The following MRPS9 variants were observed in gnomAD, a reference collection of about 807,000 sequenced individuals.
MRPS9 encodes the protein mitochondrial ribosomal protein S9.
Under a neutral mutation model 59.9 loss-of-function variants are expected in MRPS9, and 45 were observed. The ratio of observed to expected loss-of-function variants is 0.75; its 90% CI spans 0.59 to 0.96. The LOEUF is 0.96. MRPS9 is among the 40% of genes least tolerant of loss of function. The pLI, the probability that MRPS9 is intolerant of heterozygous loss-of-function variation, is 0.00. For missense variants in MRPS9, 473 were observed against 481.1 expected, an observed-to-expected ratio of 0.98 and a Z score of 0.16; for synonymous variants, 171 against 166.8, an observed-to-expected ratio of 1.03 and a Z score of -0.19.
At position 105,084,247 on chromosome 2, in the gene MRPS9, A is replaced by AATATAGATATATATATATATAT. The variant is rs754016660; in HGVS notation, c.489+4190_489+4191insGATATATATATATATATATATA. Reference sequence around the variant, plus strand: ...TGGCCACAGATGAAATATATACCAAAATATATATATATATATATATATGTA... The same window carrying AATATAGATATATATATATATAT: ...TGGCCACAGATGAAATATATACCAAAATATAGATATATATATATATATATATATATATATATATATATATGTA... On this transcript the variant is annotated intron_variant, in intron 5 of 10. Transcript: ENST00000258455. Among the ~76,000 whole-genome samples the AATATAGATATATATATATATAT allele has an allele frequency of 1.6e-4, 23 of 139,582 alleles. 1 individual carries two copies. Among genetic ancestry groups the AATATAGATATATATATATATAT allele is most frequent in the African/African-American group, 3.4e-4 (13 of 38,210 alleles). The allele number at this position is 139,582 out of a possible 152,430, so 91.6% of individuals were successfully genotyped here.
At chr2:105,059,974 A>C (rs1679864896) in intron 2 of MRPS9, among the ~76,000 whole-genome samples, 1 of 147,146 alleles carries the variant, frequency 6.8e-6, no homozygotes, top group African/African-American at 2.5e-5. Flanking sequence ...ATTATTTTTC[A>C]TGCTAATATA....
chr2:105,059,651 A>T (rs1304654306), intron 2 of MRPS9, among the ~76,000 whole-genome samples: 1 of 151,862 alleles, frequency 6.6e-6, no homozygotes, highest in Non-Finnish European at 1.5e-5. Flanking sequence ...TTTAGGAGTG[A>T]AAAGGTGTTT....
At chr2:105,078,837 G>A (rs1173826157) in intron 4 of MRPS9, among the ~76,000 whole-genome samples, 1 of 151,920 alleles carries the variant, frequency 6.6e-6, no homozygotes, top group Non-Finnish European at 1.5e-5. Flanking sequence ...ATTTGAACAT[G>A]AAAATAAAAT....
intron 2 of MRPS9, among the ~76,000 whole-genome samples, chr2:105,058,608 C>A (rs1009228468): frequency 6.6e-6 from 1 of 151,442 alleles, no homozygotes; most frequent in East Asian, 1.9e-4. Context: ...CTTTTTCTTT[C>A]TTTTCTCTCA....
chr2:105,042,208 G>A (rs368487542), intron 1 of MRPS9, among the ~76,000 whole-genome samples: 1 of 152,198 alleles, frequency 6.6e-6, no homozygotes, highest in Admixed American at 6.5e-5. Context: ...GGTATTGGCC[G>A]GGGCTGCAGT....
At chr2:105,070,672 A>G (rs1680095758) in intron 2 of MRPS9, among the ~76,000 whole-genome samples, 1 of 152,130 alleles carries the variant, frequency 6.6e-6, no homozygotes, top group Non-Finnish European at 1.5e-5. Flanking sequence ...GCATTTGGAA[A>G]GGTGTGGGGG....
At chr2:105,048,788 G>A (rs1207633057) in intron 1 of MRPS9, among the ~76,000 whole-genome samples, 1 of 151,942 alleles carries the variant, frequency 6.6e-6, no homozygotes, top group South Asian at 2.1e-4. Flanking sequence ...TCTGGTGCGT[G>A]TGTATTTGCC....
chr2:105,069,276 G>T lies in MRPS9; in HGVS notation c.316-2037G>T, dbSNP rs562756067. On this transcript the variant is annotated intron_variant, in intron 2 of 10. Coordinates refer to ENST00000258455, the MANE Select transcript of MRPS9 (RefSeq NM_182640.3). ...GTCACCCAGGCTGGCGTGCAATGGCGCGATCTCAGCTCACTGCAACCTCCG... is the reference window on the plus strand; with the variant it reads ...GTCACCCAGGCTGGCGTGCAATGGCTCGATCTCAGCTCACTGCAACCTCCG... 2.0e-5 allele frequency among the ~76,000 whole-genome samples: 3 copies of T among 148,510 alleles called. No homozygotes were observed. The East Asian group carries it at 6.0e-4, about 29-fold the overall frequency.
At chr2:105,098,987 A>G (rs1680731779) in intron 10 of MRPS9, among the ~76,000 whole-genome samples, 1 of 152,154 alleles carries the variant, frequency 6.6e-6, no homozygotes, top group Non-Finnish European at 1.5e-5. Context: ...TAGAAACATA[A>G]TCACTCCTGA....
At chr2:105,068,035 G>C (rs1680037388) in intron 2 of MRPS9, among the ~76,000 whole-genome samples, 1 of 152,110 alleles carries the variant, frequency 6.6e-6, no homozygotes, top group South Asian at 2.1e-4. Flanking sequence ...TCTCTAAAAA[G>C]AGATAGTGAG....
intron 2 of MRPS9, among the ~76,000 whole-genome samples, chr2:105,067,300 C>T (rs973742928): frequency 6.6e-6 from 1 of 152,152 alleles, no homozygotes; most frequent in African/African-American, 2.4e-5. Context: ...TTGTCTTGTA[C>T]AGTTGTGTCA....
At chr2:105,096,895 A>G (rs771200814) in intron 9 of MRPS9, among the ~76,000 whole-genome samples, 1 of 152,226 alleles carries the variant, frequency 6.6e-6, no homozygotes, top group Non-Finnish European at 1.5e-5. Flanking sequence ...ATCTTCTGAG[A>G]TAAAGGGGAT....
Position 105,066,560 on chromosome 2 carries a change from G to A in MRPS9, c.316-4753G>A, listed in dbSNP as rs1054635260. 7.9e-5 allele frequency among the ~76,000 whole-genome samples: 12 copies of A among 152,056 alleles called. No individual in the cohort carries two copies. In the East Asian group the frequency reaches 1.5e-3, roughly 20 times the overall value. Reference sequence around the variant, plus strand: ...TTGGAATTCTTCAATTTTCATTTCCGTCTAGGATTCTATTCATTGGTCACC... The same window carrying A: ...TTGGAATTCTTCAATTTTCATTTCCATCTAGGATTCTATTCATTGGTCACC... On this transcript the variant is annotated intron_variant, in intron 2 of 10. Transcript: ENST00000258455.
chr2:105,092,447 G>T lies in MRPS9; in HGVS notation c.698G>T (p.Cys233Phe), dbSNP rs201319316. 7.4e-6 allele frequency: 12 copies of T among 1,613,696 alleles called. No homozygotes were observed. Among genetic ancestry groups the T allele is most frequent in the Non-Finnish European group, 1.0e-5 (12 of 1,179,878 alleles). The change falls in exon 8 of 11, where the codon TGT becomes TTT. Residue 233 changes from cysteine (C) to phenylalanine (F), a missense_variant. Physicochemically the swap from Cys to Phe is radical, Grantham distance 205. Transcript: ENST00000258455. ...RLLEKLLTSQ[C>F]GAAEEEFVQR... ...CTAGAAAAGTTATTGACATCGCAGT[G>T]TGGTGCTGCTGAGGAAGAATTTGTG...
intron 1 of MRPS9, among the ~76,000 whole-genome samples, chr2:105,043,097 A>G (rs867715072): frequency 2.0e-5 from 3 of 152,238 alleles, no homozygotes; most frequent in Admixed American, 2.0e-4. Flanking sequence ...AACAGAATGA[A>G]CAGTAATTTC....
At chr2:105,069,600 C>T (rs925688396) in intron 2 of MRPS9, among the ~76,000 whole-genome samples, 5 of 152,194 alleles carry the variant, frequency 3.3e-5, no homozygotes, top group Non-Finnish European at 7.3e-5. Flanking sequence ...GGAATTCACT[C>T]ATGTCATATG....
chr2:105,054,393 G>A (rs1372522021), intron 2 of MRPS9, among the ~76,000 whole-genome samples: 1 of 152,134 alleles, frequency 6.6e-6, no homozygotes, highest in Non-Finnish European at 1.5e-5. Flanking sequence ...TTGACTATAC[G>A]GGAGGTTGCT....
At chr2:105,059,883 CAG>C (rs1161778293) in intron 2 of MRPS9, among the ~76,000 whole-genome samples, 2 of 152,060 alleles carry the variant, frequency 1.3e-5, no homozygotes, top group Non-Finnish European at 2.9e-5. Flanking sequence ...TTAACATTAA[CAG>C]AGAGTCTTTT....
intron 2 of MRPS9, among the ~76,000 whole-genome samples, chr2:105,069,338 C>A (rs984503323): frequency 6.6e-6 from 1 of 151,944 alleles, no homozygotes; most frequent in Non-Finnish European, 1.5e-5. Flanking sequence ...CCTCAGCCTC[C>A]CAAGTAGCTG....
Sources: gnomAD v4.1 joint callset for allele counts (sites outside exome capture counted in the v4.1 genomes callset) on GRCh38, gnomAD v4.1.1 for gene constraint, MANE v1.5 for transcripts, NCBI Gene and HGNC (gene_info 2026-07-23, HGNC 2026-07-21) for gene names.